The following CENPM variants were observed in gnomAD, a reference collection of about 807,000 sequenced individuals.
The protein encoded by CENPM is centromere protein M, also known as interphase centromere complex protein 39.
Under a neutral mutation model 19.6 loss-of-function variants are expected in CENPM, and 14 were observed. The ratio of observed to expected loss-of-function variants is 0.71; its 90% CI spans 0.47 to 1.11. The LOEUF is 1.11. CENPM is among the 50% of genes most tolerant of loss of function. The pLI, the probability that CENPM is intolerant of heterozygous loss-of-function variation, is 0.00. For synonymous variants in CENPM, 114 were observed against 101.5 expected (o/e 1.12, Z -0.74); for missense variants, 239 against 228.4 (o/e 1.05, Z -0.30).
At position 41,938,885 on chromosome 22, in the gene CENPM, C is replaced by T. The variant is rs1023923439; in HGVS notation, c.*171G>A. Reference sequence around the variant, plus strand: ...TACAGTCTCGCCAGCTGGGCCCCCTCGCTGCTTCTGCCCAGCTCTCCCTGC... The same window carrying T: ...TACAGTCTCGCCAGCTGGGCCCCCTTGCTGCTTCTGCCCAGCTCTCCCTGC... On this transcript the variant is annotated 3_prime_UTR_variant, in exon 6 of 6. Transcript: ENST00000215980. 2.2e-5 allele frequency: 17 copies of T among 764,424 alleles called. No homozygotes were observed. Among genetic ancestry groups the T allele is most frequent in the East Asian group, 5.5e-5 (2 of 36,646 alleles). 47.4% of individuals were successfully genotyped at this position (764,424 alleles called of 1,614,324 possible).
chr22:41,940,159 C>T, intron 5 of CENPM: 1 of 772,428 alleles, frequency 1.3e-6, no homozygotes. Flanking sequence ...CCAGGCAAGT[C>T]CCACACTCGG....
At chr22:41,931,744 AG>A in the CENPM span, among the ~76,000 whole-genome samples, 1 of 151,944 alleles carries the variant, frequency 6.6e-6, no homozygotes, top group African/African-American at 2.4e-5. Flanking sequence ...TACATGCTTC[AG>A]GGACGGGGTT....
intron 4 of CENPM, chr22:41,944,139 C>T: frequency 1.0e-6 from 1 of 985,262 alleles, no homozygotes; most frequent in Non-Finnish European, 1.2e-6. Flanking sequence ...TTGACAGAAG[C>T]CTAGAGTAAA....
In CENPM at chr22:41,945,247, C is replaced by A; in HGVS notation, c.288G>T (p.Lys96Asn). 6.2e-6 allele frequency: 10 copies of A among 1,613,934 alleles called. No homozygotes were observed. Among genetic ancestry groups the A allele is most frequent in the Non-Finnish European group, 6.8e-6 (8 of 1,180,016 alleles). Reference sequence around the variant, plus strand: ...TACCACCTGTGGCGAGGAAACACACCTTCCCCAAGAAGAAGCTGGCATCCA... The same window carrying A: ...TACCACCTGTGGCGAGGAAACACACATTCCCCAAGAAGAAGCTGGCATCCA... ...RHVDASFFLG[K>N]VCFLATGAGR... is the part of the protein sequence containing the mutation. The change falls in exon 4 of 6, where the codon AAG becomes AAT. Residue 96 changes from lysine (K) to asparagine (N), a missense_variant. Transcript: ENST00000215980.
chr22:41,946,490 C>A lies in CENPM; in HGVS notation c.64G>T (p.Gly22Cys), dbSNP rs902697332. 1 of 1,613,118 alleles carries A rather than the reference C, an allele frequency of 6.2e-7. No homozygotes were observed. Among genetic ancestry groups the A allele is most frequent in the Non-Finnish European group, 8.5e-7 (1 of 1,179,912 alleles). The change falls in exon 2 of 6, where the codon GGC becomes TGC. Residue 22 changes from glycine to cysteine, a missense_variant. Transcript: ENST00000215980. Reference sequence around the variant, plus strand: ...TGCTGCAGAAGAGCATCCTCCGTGCCCACCAGCTGCGCAGGGAGAGAGAGC... The same window carrying A: ...TGCTGCAGAAGAGCATCCTCCGTGCACACCAGCTGCGCAGGGAGAGAGAGC... ...GLNTATILLV[G>C]TEDALLQQLA...
downstream of CENPM, among the ~76,000 whole-genome samples, chr22:41,937,470 T>C (rs946059702): frequency 6.6e-6 from 1 of 152,072 alleles, no homozygotes; most frequent in African/African-American, 2.4e-5. Flanking sequence ...TAATTTTCTG[T>C]ATTTTAGTGG....
intron 3 of CENPM, chr22:41,945,514 G>A (rs998292211): frequency 2.0e-5 from 20 of 1,005,520 alleles, no homozygotes; most frequent in Admixed American, 3.1e-5. Flanking sequence ...GCAGTAGCGC[G>A]ATCTTGGCTC....
At chr22:41,928,839 G>A in the CENPM span, among the ~76,000 whole-genome samples, 4 of 152,126 alleles carry the variant, frequency 2.6e-5, no homozygotes, top group Admixed American at 6.5e-5. The surrounding 1 kb of genome is among the most constrained non-coding windows in gnomAD (Gnocchi z 4.0). Flanking sequence ...TGTGGCCCAC[G>A]TCCAGGGCAG....
At chr22:41,944,165 C>A in intron 4 of CENPM, 1 of 985,154 alleles carries the variant, frequency 1.0e-6, no homozygotes, top group African/African-American at 1.7e-5. Flanking sequence ...AGAGGACGGC[C>A]GGGTGCGGTG....
chr22:41,937,157 A>G (rs942520419), downstream of CENPM, among the ~76,000 whole-genome samples: 3 of 152,176 alleles, frequency 2.0e-5, no homozygotes, highest in East Asian at 1.9e-4. Context: ...AATTAGACCC[A>G]AGGGAGAAGG....
At chr22:41,945,407 A>G in intron 3 of CENPM, 103 bp from the exon 4 acceptor site, 1 of 1,543,402 alleles carries the variant, frequency 6.5e-7, no homozygotes, top group Non-Finnish European at 8.7e-7. Flanking sequence ...CCAGAGAATG[A>G]CAAGAGGGTG....
intron 5 of CENPM, among the ~76,000 whole-genome samples, chr22:41,940,786 G>A (rs918153608): frequency 1.2e-4 from 19 of 152,144 alleles, no homozygotes; most frequent in African/African-American, 4.6e-4. Flanking sequence ...AGTCCTCTAA[G>A]TTTGGTGGCC....
chr22:41,927,513 C>CT, the CENPM span, among the ~76,000 whole-genome samples: 25,629 of 129,210 alleles, frequency 0.2, 3,064 homozygotes, highest in Admixed American at 0.34. Flanking sequence ...CAGACACCTG[C>CT]TTTTTTTTTT....
chr22:41,944,887 C>G (rs1376527389), intron 4 of CENPM: 1 of 1,114,052 alleles, frequency 9.0e-7, no homozygotes, highest in African/African-American at 1.6e-5. Flanking sequence ...AGGCTGACAA[C>G]AGGTCAGATT....
the CENPM span, among the ~76,000 whole-genome samples, chr22:41,932,772 G>A: frequency 3.3e-5 from 5 of 152,212 alleles, no homozygotes; most frequent in African/African-American, 1.2e-4. This position sits in a 1 kb window ranked among gnomAD's most constrained non-coding sequence, Gnocchi z 4.3. Flanking sequence ...GGAGAGGAAC[G>A]GGGGCCCCCA....
At chr22:41,933,621 T>G in the CENPM span, among the ~76,000 whole-genome samples, 32 of 152,136 alleles carry the variant, frequency 2.1e-4, no homozygotes, top group East Asian at 6.0e-3. Flanking sequence ...CATACTCAGG[T>G]GGGACCCGCA....
At chr22:41,930,494 G>A in the CENPM span, among the ~76,000 whole-genome samples, 8 of 151,984 alleles carry the variant, frequency 5.3e-5, no homozygotes, top group African/African-American at 1.2e-4. Flanking sequence ...TGGCCAACAC[G>A]CCTGGCCTAA....
intron 5 of CENPM, chr22:41,940,142 G>C (rs1221574460): frequency 2.6e-6 from 2 of 771,144 alleles, no homozygotes; most frequent in East Asian, 2.5e-5. Context: ...GCCAGACCTT[G>C]AGCACACCAG....
intron 5 of CENPM, chr22:41,940,318 A>ACGCC (rs1296126175): frequency 5.0e-6 from 3 of 600,280 alleles, no homozygotes. Flanking sequence ...ACCACCTGAC[A>ACGCC]CGCCACGCCT....
Sources: allele counts gnomAD v4.1 joint callset (sites outside exome capture counted in the v4.1 genomes callset), GRCh38; gene constraint gnomAD v4.1.1; non-coding constraint Gnocchi (gnomAD v3.1); transcripts MANE v1.5; gene names NCBI Gene and HGNC (gene_info 2026-07-23, HGNC 2026-07-21).